Variants in IQSEC1 observed in about 807,000 individuals in gnomAD.
IQSEC1 encodes the protein IQ motif and SEC7 domain-containing protein 1.
A neutral mutation model predicts 91.0 loss-of-function variants in IQSEC1; 31 were observed. That is an observed-to-expected ratio of 0.34 (90% CI 0.26 to 0.46). IQSEC1 has a LOEUF of 0.46. Ranked by LOEUF, IQSEC1 falls within the 20% of genes least tolerant of loss-of-function variation. The pLI, the probability that IQSEC1 is intolerant of heterozygous loss-of-function variation, is 1.00. For synonymous variants in IQSEC1, 699 were observed against 662.6 expected, an observed-to-expected ratio of 1.05 and a Z score of -0.84; for missense variants, 1,388 against 1,575.6, an observed-to-expected ratio of 0.88 and a Z score of 2.02.
chr3:13,056,387 C>T (rs955303401), intron 1 of IQSEC1, among the ~76,000 whole-genome samples: 3 of 152,014 alleles, frequency 2.0e-5, no homozygotes, highest in African/African-American at 7.3e-5. Flanking sequence ...TAGAGTCCAC[C>T]TGGCCTTTCT....
intron 2 of IQSEC1, among the ~76,000 whole-genome samples, chr3:13,135,160 T>C (rs557570175): frequency 2.0e-5 from 3 of 152,326 alleles, no homozygotes; most frequent in South Asian, 2.1e-4. Flanking sequence ...GGCTGCCTTA[T>C]AGGCCTAAGC....
At chr3:12,904,649 T>G (rs541911449) in intron 12 of IQSEC1, among the ~76,000 whole-genome samples, 3 of 152,064 alleles carry the variant, frequency 2.0e-5, no homozygotes, top group African/African-American at 7.2e-5. Context: ...TGTGGCGCCA[T>G]GTGGAAATGT....
Position 12,918,520 on chromosome 3 carries a change from G to GA in IQSEC1, c.2020+1909dup, listed in dbSNP as rs199799305. Among the ~76,000 whole-genome samples, 488 of 149,612 alleles carry GA rather than the reference G, an allele frequency of 3.3e-3. 1 individual carries two copies. Among genetic ancestry groups the GA allele is most frequent in the African/African-American group, 0.011 (434 of 40,886 alleles). ...TGACGTGCAGGAGGTTCTAAAGTAAGAAAAAAAAAACCTGGCCAGGCACGG... is the reference window on the plus strand; with the variant it reads ...TGACGTGCAGGAGGTTCTAAAGTAAGAAAAAAAAAAACCTGGCCAGGCACGG... On this transcript the variant is annotated intron_variant, in intron 6 of 13. Transcript: ENST00000613206.
intron 1 of IQSEC1, among the ~76,000 whole-genome samples, chr3:13,270,627 C>T (rs1695576942): frequency 6.6e-6 from 1 of 152,136 alleles, no homozygotes; most frequent in Non-Finnish European, 1.5e-5. Flanking sequence ...CAAGTTTTAT[C>T]ATGCTCTGAA....
chr3:12,905,189 A>T (rs957726147), intron 12 of IQSEC1, among the ~76,000 whole-genome samples: 2 of 152,224 alleles, frequency 1.3e-5, no homozygotes, highest in African/African-American at 4.8e-5. Flanking sequence ...CACACCACAC[A>T]CGTGCTGATC....
At chr3:13,062,214 C>G (rs918326615) in intron 1 of IQSEC1, among the ~76,000 whole-genome samples, 8 of 152,212 alleles carry the variant, frequency 5.3e-5, no homozygotes, top group Non-Finnish European at 1.5e-5. Flanking sequence ...CTTCCCTTCC[C>G]TTCCCTTCCC....
At chr3:13,038,371 T>C (rs1324071739) in intron 1 of IQSEC1, among the ~76,000 whole-genome samples, 2 of 149,566 alleles carry the variant, frequency 1.3e-5, no homozygotes, top group South Asian at 2.1e-4. Flanking sequence ...GAGGTCATGA[T>C]GTTAAGTGAA....
chr3:13,041,501 A>G (rs1477826102), intron 1 of IQSEC1, among the ~76,000 whole-genome samples: 1 of 152,186 alleles, frequency 6.6e-6, no homozygotes, highest in Non-Finnish European at 1.5e-5. Context: ...AGGAAAAACT[A>G]ATTCCCTCAG....
intron 10 of IQSEC1, among the ~76,000 whole-genome samples, chr3:12,911,250 G>A (rs1457666257): frequency 3.3e-5 from 5 of 152,194 alleles, no homozygotes; most frequent in Admixed American, 6.5e-5. Context: ...CTTCACTTCC[G>A]CGGACACTCA....
chr3:13,070,709 C>T (rs458898), intron 1 of IQSEC1, among the ~76,000 whole-genome samples: 1 of 152,090 alleles, frequency 6.6e-6, no homozygotes, highest in African/African-American at 2.4e-5. Context: ...GGTGGCAGAG[C>T]GGGGATGGCC....
At chr3:12,950,051 C>G (rs540554113) in intron 1 of IQSEC1, among the ~76,000 whole-genome samples, 1 of 152,184 alleles carries the variant, frequency 6.6e-6, no homozygotes, top group Non-Finnish European at 1.5e-5. Flanking sequence ...GTATGCTCAC[C>G]CACTATGCCA....
chr3:13,264,757 T>C (rs577380), intron 1 of IQSEC1, among the ~76,000 whole-genome samples: 112,714 of 150,810 alleles, frequency 0.75, 42,788 homozygotes, highest in East Asian at 0.97. Context: ...GTCAAACACA[T>C]ACAGTCTCTG....
At chr3:12,950,327 G>A (rs908857753) in intron 1 of IQSEC1, among the ~76,000 whole-genome samples, 3 of 152,160 alleles carry the variant, frequency 2.0e-5, no homozygotes, top group African/African-American at 4.8e-5. Flanking sequence ...CAGAATGCAA[G>A]GATACAAAGA....
chr3:12,999,806 G>A lies in IQSEC1; in HGVS notation c.24-57941C>T, dbSNP rs528267807. Among the ~76,000 whole-genome samples, 12 of 152,290 alleles carry A rather than the reference G, an allele frequency of 7.9e-5. 2 individuals are homozygous for A. The South Asian group carries it at 2.5e-3, about 32-fold the overall frequency. On this transcript the variant is annotated intron_variant, in intron 1 of 13. Transcript: ENST00000613206. ...CTCTTCAGGGGACATTCAAGCTCCT[G>A]TACTTTCTGGCCTCAATTTGTCCCT...
At chr3:12,934,688 G>A (rs750957201) in intron 3 of IQSEC1, among the ~76,000 whole-genome samples, 7 of 152,130 alleles carry the variant, frequency 4.6e-5, no homozygotes, top group Non-Finnish European at 1.0e-4. Context: ...CAGGCCAAGT[G>A]CTCAGCCCTC....
At chr3:13,117,291 A>G (rs1233428620) in intron 2 of IQSEC1, among the ~76,000 whole-genome samples, 1 of 150,002 alleles carries the variant, frequency 6.7e-6, no homozygotes, top group African/African-American at 2.4e-5. Flanking sequence ...GGTCATTAGA[A>G]AAAAAAAAAA....
At chr3:12,944,032 G>A (rs1429494563) in intron 1 of IQSEC1, among the ~76,000 whole-genome samples, 2 of 152,186 alleles carry the variant, frequency 1.3e-5, no homozygotes, top group South Asian at 2.1e-4. Context: ...GGGTCCCAGG[G>A]CCCTCTGTGG....
intron 1 of IQSEC1, among the ~76,000 whole-genome samples, chr3:13,210,311 G>C (rs1694421060): frequency 6.6e-6 from 1 of 151,168 alleles, no homozygotes; most frequent in Non-Finnish European, 1.5e-5. Flanking sequence ...CTTATCCTCG[G>C]GTGCCCTCCC....
intron 1 of IQSEC1, chr3:13,015,536 G>A: frequency 4.1e-6 from 4 of 984,968 alleles, no homozygotes; most frequent in Non-Finnish European, 3.6e-6. Flanking sequence ...GTTTCTCAGG[G>A]CTGCTGAGGT....
Sources: gnomAD v4.1 joint callset for allele counts (sites outside exome capture counted in the v4.1 genomes callset) on GRCh38, gnomAD v4.1.1 for gene constraint, MANE v1.5 for transcripts, NCBI Gene and HGNC (gene_info 2026-07-23, HGNC 2026-07-21) for gene names.